ADAMTSL1: variants seen among roughly 807,000 people sequenced by gnomAD.
The protein encoded by ADAMTSL1 is ADAMTS-like protein 1.
ADAMTSL1 carries 126 observed loss-of-function variants against 201.8 expected under a neutral mutation model. The observed-to-expected ratio is 0.62, with a 90% CI of 0.54 to 0.72. The LOEUF (loss-of-function observed/expected upper bound fraction) is 0.72, where lower values mean the gene tolerates loss of function less well. Ranked by LOEUF, ADAMTSL1 falls within the 30% of genes least tolerant of loss-of-function variation. The probability of loss-of-function intolerance (pLI) is 0.00; values close to 1 mark genes in which losing one functional copy is unlikely to be tolerated. For synonymous variants in ADAMTSL1, 1,121 were observed against 903.4 expected (o/e 1.24, Z -4.32); for missense variants, 2,679 against 2,277.8 (o/e 1.18, Z -3.59).
chr9:18,574,240 G>C lies in ADAMTSL1; in HGVS notation c.448G>C (p.Asp150His), dbSNP rs1340333045. The change falls in exon 4 of 29, where the codon GAT becomes CAT. Residue 150 changes from aspartate (D) to histidine (H), a missense_variant. Asp to His is a moderately conservative substitution (Grantham distance 81). Coordinates refer to ENST00000380548, the MANE Select transcript of ADAMTSL1 (RefSeq NM_001040272.6). ...DGTRCYTESL[D>H]MCISGLCQIV... The stretch of plus-strand genomic sequence containing the variant: ...TACGCGTTGCTATACAGAATCTTTG[G>C]ATATGTGCATCAGTGGTTTATGCCA... The C allele has an allele frequency of 6.2e-7, 1 of 1,614,088 alleles. No homozygotes were observed. Among genetic ancestry groups the C allele is most frequent in the Admixed American group, 1.7e-5 (1 of 60,010 alleles).
chr9:18,013,424 G>A lies in ADAMTSL1; in HGVS notation c.87+106502G>A, dbSNP rs374975182. Among the ~76,000 whole-genome samples the A allele has an allele frequency of 3.3e-5, 5 of 152,140 alleles. No homozygotes were observed. The East Asian group carries it at 7.8e-4, about 24-fold the overall frequency. On this transcript the variant is annotated intron_variant, in intron 1 of 29. Coordinates refer to the ADAMTSL1 transcript ENST00000680146. ...AGTTCTGTATGCATACAGCATGAGAGATGGAGGTCTGTACAGTCTTACCTT... is the reference window on the plus strand; with the variant it reads ...AGTTCTGTATGCATACAGCATGAGAAATGGAGGTCTGTACAGTCTTACCTT...
chr9:18,168,285 C>G (rs1294322595), intron 2 of ADAMTSL1, among the ~76,000 whole-genome samples: 2 of 152,114 alleles, frequency 1.3e-5, no homozygotes, highest in East Asian at 1.9e-4. Flanking sequence ...CTCCCCCAAC[C>G]CCACAAGGGT....
At chr9:18,486,212 T>A (rs1209278540) in intron 1 of ADAMTSL1, among the ~76,000 whole-genome samples, 1 of 152,186 alleles carries the variant, frequency 6.6e-6, no homozygotes, top group Non-Finnish European at 1.5e-5. Flanking sequence ...GACCTACAGT[T>A]AGGGATTATT....
intron 1 of ADAMTSL1, among the ~76,000 whole-genome samples, chr9:18,016,645 C>T (rs984111174): frequency 3.3e-5 from 5 of 151,924 alleles, no homozygotes; most frequent in Non-Finnish European, 7.4e-5. Flanking sequence ...TAAAACTAGT[C>T]CAGAAGAAAG....
At chr9:18,183,077 A>C (rs1828573526) in intron 2 of ADAMTSL1, among the ~76,000 whole-genome samples, 1 of 152,184 alleles carries the variant, frequency 6.6e-6, no homozygotes, top group Non-Finnish European at 1.5e-5. Context: ...CTTTCTGCCA[A>C]AAGTGTCCTC....
chr9:17,991,594 C>A (rs909551059), intron 1 of ADAMTSL1, among the ~76,000 whole-genome samples: 1 of 152,018 alleles, frequency 6.6e-6, no homozygotes, highest in African/African-American at 2.4e-5. Context: ...CTCTGGATGG[C>A]CCCTGTTTGA....
intron 2 of ADAMTSL1, among the ~76,000 whole-genome samples, chr9:18,272,368 AT>A (rs1158492013): frequency 6.6e-6 from 1 of 152,222 alleles, no homozygotes; most frequent in East Asian, 1.9e-4. Flanking sequence ...AGGATTCCCT[AT>A]TCAACAAATG....
intron 1 of ADAMTSL1, among the ~76,000 whole-genome samples, chr9:18,126,377 G>C (rs1362183438): frequency 6.6e-6 from 1 of 152,066 alleles, no homozygotes; most frequent in Non-Finnish European, 1.5e-5. Context: ...TTTAGTTCCA[G>C]TATTACCCTC....
At chr9:18,892,269 C>T in intron 25 of ADAMTSL1, 120 bp from the exon 26 acceptor site, 1 of 917,768 alleles carries the variant, frequency 1.1e-6, no homozygotes, top group Non-Finnish European at 1.6e-6. Context: ...CAAGTAAATA[C>T]TGTAAAAAGG....
At chr9:18,184,492 G>A (rs185328141) in intron 2 of ADAMTSL1, among the ~76,000 whole-genome samples, 1 of 152,294 alleles carries the variant, frequency 6.6e-6, no homozygotes, top group African/African-American at 2.4e-5. Flanking sequence ...TATGATAAGA[G>A]GATAGGATTT....
At chr9:18,348,659 A>G (rs754840829) in intron 2 of ADAMTSL1, among the ~76,000 whole-genome samples, 3 of 152,164 alleles carry the variant, frequency 2.0e-5, no homozygotes, top group African/African-American at 4.8e-5. Context: ...TTACACATGA[A>G]GTAAGTGAAA....
intron 1 of ADAMTSL1, among the ~76,000 whole-genome samples, chr9:18,111,082 C>T (rs1824986393): frequency 6.6e-6 from 1 of 152,028 alleles, no homozygotes; most frequent in Non-Finnish European, 1.5e-5. Flanking sequence ...AAATGTGTTT[C>T]CTTAAACTTC....
chr9:18,856,648 G>A (rs561348734), intron 23 of ADAMTSL1, among the ~76,000 whole-genome samples: 1 of 151,924 alleles, frequency 6.6e-6, no homozygotes, highest in African/African-American at 2.4e-5. Flanking sequence ...AGTAGACACA[G>A]GGTTTCATCG....
At chr9:18,818,249 C>T (rs1451527263) in intron 21 of ADAMTSL1, among the ~76,000 whole-genome samples, 2 of 152,100 alleles carry the variant, frequency 1.3e-5, no homozygotes, top group Non-Finnish European at 2.9e-5. Flanking sequence ...CCCACAGTGG[C>T]ATGGCCACAC....
At chr9:18,107,442 C>A (rs1824806932) in intron 1 of ADAMTSL1, among the ~76,000 whole-genome samples, 1 of 152,164 alleles carries the variant, frequency 6.6e-6, no homozygotes, top group Admixed American at 6.5e-5. Context: ...GGGTAGAAAT[C>A]CACAGTGACA....
intron 2 of ADAMTSL1, among the ~76,000 whole-genome samples, chr9:18,360,937 T>C (rs1836490770): frequency 6.6e-6 from 1 of 152,116 alleles, no homozygotes; most frequent in Non-Finnish European, 1.5e-5. Context: ...GCCAAATAAA[T>C]GAACAAATCT....
chr9:18,652,827 G>C (rs1441667352), intron 7 of ADAMTSL1, among the ~76,000 whole-genome samples: 1 of 152,172 alleles, frequency 6.6e-6, no homozygotes, highest in South Asian at 2.1e-4. Context: ...GGAGGCTGAG[G>C]TTTGGCCAAT....
At position 18,611,610 on chromosome 9, in the gene ADAMTSL1, A is replaced by T. The variant is rs181532116; in HGVS notation, c.475-10633A>T. Among the ~76,000 whole-genome samples the T allele has an allele frequency of 4.6e-3, 702 of 152,296 alleles. 3 individuals carry two copies. Among genetic ancestry groups the T allele is most frequent in the Non-Finnish European group, 5.9e-3 (398 of 68,014 alleles). On this transcript the variant is annotated intron_variant, in intron 4 of 28. Coordinates refer to ENST00000380548, the MANE Select transcript of ADAMTSL1 (RefSeq NM_001040272.6). ...AGACTGGGAGCACCTGAAGAGTTTT[A>T]ATAAACGTTAGAAATCAGACTTACT...
Position 18,271,851 on chromosome 9 carries a change from C to T in ADAMTSL1, c.207+107870C>T, listed in dbSNP as rs1031589800. Among the ~76,000 whole-genome samples, 91 of 151,976 alleles carry T rather than the reference C, an allele frequency of 6.0e-4. 1 individual carries two copies. The highest frequency in any genetic ancestry group is 2.0e-3 in the African/African-American group (84 of 41,412). Reference sequence around the variant, plus strand: ...CTCCAGCACCTGTTGTTTCCTGACTCTTTAATGATCGCCATTCTAACTGGT... The same window carrying T: ...CTCCAGCACCTGTTGTTTCCTGACTTTTTAATGATCGCCATTCTAACTGGT... On this transcript the variant is annotated intron_variant, in intron 2 of 29. Transcript: ENST00000680146.
Sources: gnomAD v4.1 joint callset for allele counts (sites outside exome capture counted in the v4.1 genomes callset) on GRCh38, gnomAD v4.1.1 for gene constraint, MANE v1.5 for transcripts, NCBI Gene and HGNC (gene_info 2026-07-23, HGNC 2026-07-21) for gene names.